Variants in MAML2 observed in about 807,000 individuals in gnomAD.
MAML2 encodes mastermind like transcriptional coactivator 2.
In MAML2, 22 loss-of-function variants were observed where a neutral mutation model predicts 96.1. That is an observed-to-expected ratio of 0.23 (90% confidence interval 0.16 to 0.33). The LOEUF is 0.33. Ranked by LOEUF, MAML2 falls within the 10% of genes least tolerant of loss-of-function variation. The probability of loss-of-function intolerance (pLI) is 1.00; values close to 1 mark genes in which losing one functional copy is unlikely to be tolerated. For synonymous variants in MAML2, 561 were observed against 521.3 expected, an observed-to-expected ratio of 1.08 and a Z score of -1.04; for missense variants, 1,367 against 1,392.4, an observed-to-expected ratio of 0.98 and a Z score of 0.29.
At chr11:96,243,474 C>A (rs769064735) in intron 1 of MAML2, among the ~76,000 whole-genome samples, 23 of 152,326 alleles carry the variant, frequency 1.5e-4, no homozygotes, top group South Asian at 2.1e-4. Flanking sequence ...CGTGTCCAGG[C>A]ACGCGCGGAG....
chr11:96,215,773 G>T (rs933056361), intron 1 of MAML2, among the ~76,000 whole-genome samples: 2 of 151,932 alleles, frequency 1.3e-5, no homozygotes, highest in Non-Finnish European at 2.9e-5. Context: ...GCTTTGGCTG[G>T]TTGTTCCCTC....
At chr11:96,207,589 T>C (rs1861912439) in intron 1 of MAML2, among the ~76,000 whole-genome samples, 1 of 152,218 alleles carries the variant, frequency 6.6e-6, no homozygotes. Context: ...TGTGAGATAG[T>C]GTGGTTGCCT....
At chr11:96,149,836 T>G (rs1417737445) in intron 1 of MAML2, among the ~76,000 whole-genome samples, 1 of 152,192 alleles carries the variant, frequency 6.6e-6, no homozygotes, top group Non-Finnish European at 1.5e-5. Flanking sequence ...GGTCTCCTTC[T>G]CCTTCTCTCT....
chr11:96,077,316 G>T lies in MAML2; in HGVS notation c.2139+14576C>A, dbSNP rs545247415. Among the ~76,000 whole-genome samples the T allele has an allele frequency of 6.3e-5, 9 of 143,860 alleles. No homozygotes were observed. The South Asian group carries it at 1.1e-3, about 18-fold the overall frequency. 94.4% of individuals were successfully genotyped at this position (143,860 alleles called of 152,430 possible). The stretch of plus-strand genomic sequence containing the variant: ...GCTCACTGCAACCTCTGCCTTCTGG[G>T]TTCAAGTGATTTTCCTGCCCCAGCC... On this transcript the variant is annotated intron_variant, in intron 2 of 4. Transcript: ENST00000524717.
chr11:96,103,547 A>T (rs1859970201), intron 1 of MAML2, among the ~76,000 whole-genome samples: 1 of 152,178 alleles, frequency 6.6e-6, no homozygotes, highest in South Asian at 2.1e-4. Context: ...GCTACCAAAA[A>T]GGTCCCTTCT....
chr11:96,006,563 C>CTT (rs367732430), intron 2 of MAML2, among the ~76,000 whole-genome samples: 2,103 of 138,698 alleles, frequency 0.015, 40 homozygotes, highest in Middle Eastern at 0.1. Flanking sequence ...TTTTTTTTTT[C>CTT]TTTTTTTTTT....
chr11:96,132,733 C>T (rs1174097813), intron 1 of MAML2, among the ~76,000 whole-genome samples: 1 of 152,160 alleles, frequency 6.6e-6, no homozygotes, highest in Admixed American at 6.6e-5. Context: ...TAACAAGTAA[C>T]TTACCTTGTA....
intron 1 of MAML2, among the ~76,000 whole-genome samples, chr11:96,196,895 T>C (rs1263639764): frequency 6.6e-6 from 1 of 151,330 alleles, no homozygotes; most frequent in Non-Finnish European, 1.5e-5. Flanking sequence ...TTTTTTTTTT[T>C]CAATAGGAGC....
At chr11:96,183,049 C>T (rs1861513247) in intron 1 of MAML2, among the ~76,000 whole-genome samples, 1 of 151,288 alleles carries the variant, frequency 6.6e-6, no homozygotes, top group Non-Finnish European at 1.5e-5. Flanking sequence ...CCTCTGCCTC[C>T]CAGGTTCAAG....
At chr11:96,216,663 T>C (rs1015423706) in intron 1 of MAML2, among the ~76,000 whole-genome samples, 1 of 152,152 alleles carries the variant, frequency 6.6e-6, no homozygotes, top group Non-Finnish European at 1.5e-5. Context: ...GACACTCTGT[T>C]CTGAAAATGA....
At chr11:96,313,517 G>T (rs111714504) in intron 1 of MAML2, among the ~76,000 whole-genome samples, 1 of 151,766 alleles carries the variant, frequency 6.6e-6, no homozygotes, top group Non-Finnish European at 1.5e-5. Flanking sequence ...TCCCCACCTC[G>T]CCCAGCCTCC....
intron 1 of MAML2, among the ~76,000 whole-genome samples, chr11:96,319,566 C>T (rs1390615460): frequency 1.3e-5 from 2 of 152,120 alleles, no homozygotes; most frequent in Non-Finnish European, 2.9e-5. Flanking sequence ...CTCCTAGAAG[C>T]TTTTGAAACA....
chr11:96,180,496 T>C (rs917332993), intron 1 of MAML2, among the ~76,000 whole-genome samples: 22 of 152,226 alleles, frequency 1.4e-4, no homozygotes, highest in African/African-American at 5.1e-4. Context: ...GTAGGTGTTC[T>C]GGCTGACTGC....
At chr11:96,171,509 G>A (rs757439419) in intron 1 of MAML2, among the ~76,000 whole-genome samples, 5 of 152,108 alleles carry the variant, frequency 3.3e-5, no homozygotes, top group East Asian at 1.9e-4. Context: ...CATGTGATTC[G>A]TGTTCAATAA....
chr11:96,304,995 T>C (rs1863444153), intron 1 of MAML2, among the ~76,000 whole-genome samples: 2 of 152,178 alleles, frequency 1.3e-5, no homozygotes, highest in African/African-American at 4.8e-5. Context: ...GTCAATAAAT[T>C]CTCACTTAAG....
chr11:96,077,152 G>C (rs1859453434), intron 2 of MAML2, among the ~76,000 whole-genome samples: 1 of 148,984 alleles, frequency 6.7e-6, no homozygotes, highest in South Asian at 2.1e-4. Context: ...GCATTTTTTG[G>C]CTCAAATTTC....
chr11:96,251,217 A>G (rs1195791943), intron 1 of MAML2, among the ~76,000 whole-genome samples: 2 of 152,258 alleles, frequency 1.3e-5, no homozygotes, highest in Non-Finnish European at 2.9e-5. Context: ...CTTTTACTAA[A>G]GATGGTAGAG....
At chr11:95,999,802 C>A (rs534799159) in intron 2 of MAML2, among the ~76,000 whole-genome samples, 1 of 152,168 alleles carries the variant, frequency 6.6e-6, no homozygotes, top group Admixed American at 6.6e-5. Context: ...ATTTGCAAAA[C>A]AAATTCAAGA....
chr11:96,234,654 C>A (rs1318627396), intron 1 of MAML2, among the ~76,000 whole-genome samples: 1 of 152,112 alleles, frequency 6.6e-6, no homozygotes, highest in Non-Finnish European at 1.5e-5. Flanking sequence ...ATCTTTCTCA[C>A]ACACACACAA....
Sources: allele counts gnomAD v4.1 joint callset (sites outside exome capture counted in the v4.1 genomes callset), GRCh38; gene constraint gnomAD v4.1.1; transcripts MANE v1.5; gene names NCBI Gene and HGNC (gene_info 2026-07-23, HGNC 2026-07-21).